Variants in WDPCP observed in about 807,000 individuals in gnomAD.
WDPCP encodes WD repeat containing planar cell polarity effector.
In WDPCP, 71 loss-of-function variants were observed where a neutral mutation model predicts 93.1. The observed-to-expected ratio is 0.76, with a 90% CI of 0.63 to 0.93. WDPCP has a LOEUF of 0.93. WDPCP is among the 40% of genes least tolerant of loss of function. The pLI is 0.00. For missense variants in WDPCP, 844 were observed against 887.4 expected (o/e 0.95, Z 0.62); for synonymous variants, 315 against 315.0 (o/e 1.00, Z 0.00).
At chr2:63,576,703 C>G (rs1209588908) in intron 1 of WDPCP, among the ~76,000 whole-genome samples, 1 of 152,188 alleles carries the variant, frequency 6.6e-6, no homozygotes, top group Non-Finnish European at 1.5e-5. Context: ...CAGTTGGCTC[C>G]TCTGGCAACC....
At chr2:63,126,963 G>A (rs539666603) in intron 17 of WDPCP, among the ~76,000 whole-genome samples, 45 of 152,050 alleles carry the variant, frequency 3.0e-4, no homozygotes, top group Non-Finnish European at 4.3e-4. Flanking sequence ...GATTACAGGC[G>A]TAAGTCACCA....
rs143287415 is a variant in WDPCP, at chr2:63,758,262, T to C, written n.308+55360A>G. On this transcript the variant is annotated intron_variant and non_coding_transcript_variant, in intron 2 of 4. Coordinates refer to the WDPCP transcript ENST00000467687. ...TAGGGTTGGTTCAGCAGAAGAGGTG[T>C]TTCGAGGAGGCCACAAATAAGTACT... Among the ~76,000 whole-genome samples the C allele has an allele frequency of 4.1e-3, 626 of 152,036 alleles. 3 individuals carry two copies. Among genetic ancestry groups the C allele is most frequent in the African/African-American group, 0.014 (587 of 41,450 alleles).
At chr2:63,757,290 A>G (rs1669985162) in intron 2 of WDPCP, among the ~76,000 whole-genome samples, 1 of 152,218 alleles carries the variant, frequency 6.6e-6, no homozygotes, top group African/African-American at 2.4e-5. Flanking sequence ...GTTGTTCCCA[A>G]CAGGATTTCA....
intron 15 of WDPCP, among the ~76,000 whole-genome samples, chr2:63,173,880 C>T (rs1464667827): frequency 6.6e-6 from 1 of 152,174 alleles, no homozygotes; most frequent in Non-Finnish European, 1.5e-5. Context: ...AATGTGGCCT[C>T]TTTACAATTA....
chr2:63,177,095 T>C (rs1479000544), intron 14 of WDPCP, among the ~76,000 whole-genome samples: 1 of 152,206 alleles, frequency 6.6e-6, no homozygotes, highest in Non-Finnish European at 1.5e-5. Context: ...GGGCTCTCAA[T>C]TCTGTTCATT....
chr2:63,840,375 AG>A, the WDPCP span, among the ~76,000 whole-genome samples: 3 of 152,246 alleles, frequency 2.0e-5, no homozygotes, highest in Admixed American at 2.0e-4. Context: ...GGAGTAACTT[AG>A]GCCAGTTCCA....
intron 1 of WDPCP, among the ~76,000 whole-genome samples, chr2:63,562,076 TC>T (rs1706668941): frequency 6.6e-6 from 1 of 152,220 alleles, no homozygotes; most frequent in South Asian, 2.1e-4. Flanking sequence ...CAAATGTATT[TC>T]CACTGCAGCA....
intron 2 of WDPCP, among the ~76,000 whole-genome samples, chr2:63,716,630 T>C (rs1005183388): frequency 1.3e-5 from 2 of 152,138 alleles, no homozygotes; most frequent in Non-Finnish European, 2.9e-5. Context: ...AAAACCCTTG[T>C]TTGGAAGAGG....
chr2:63,233,043 C>T (rs1171502196), intron 14 of WDPCP: 1 of 155,036 alleles, frequency 6.5e-6, no homozygotes. Flanking sequence ...TTGTCTCAAA[C>T]TAATGGGCCT....
chr2:63,656,872 A>G (rs1316626780), intron 2 of WDPCP, among the ~76,000 whole-genome samples: 1 of 152,008 alleles, frequency 6.6e-6, no homozygotes, highest in African/African-American at 2.4e-5. Context: ...CTTTTAAGAC[A>G]AGAGTAGTCA....
chr2:63,240,707 G>T (rs1377279646), intron 14 of WDPCP, among the ~76,000 whole-genome samples: 1 of 152,090 alleles, frequency 6.6e-6, no homozygotes, highest in Non-Finnish European at 1.5e-5. Flanking sequence ...TGTGAATACG[G>T]GTTATTCTGC....
At chr2:63,539,354 G>A (rs1022018497) in intron 1 of WDPCP, among the ~76,000 whole-genome samples, 14 of 152,130 alleles carry the variant, frequency 9.2e-5, no homozygotes, top group African/African-American at 3.1e-4. Context: ...CAATGCTTCT[G>A]TAACATGTAG....
chr2:63,275,177 A>AGAAT, intron 13 of WDPCP, among the ~76,000 whole-genome samples: 1 of 152,332 alleles, frequency 6.6e-6, no homozygotes, highest in South Asian at 2.1e-4. Flanking sequence ...GATAAAAAAC[A>AGAAT]GAATGAAGGA....
intron 9 of WDPCP, among the ~76,000 whole-genome samples, chr2:63,432,730 C>T (rs1444780738): frequency 6.6e-6 from 1 of 152,102 alleles, no homozygotes; most frequent in African/African-American, 2.4e-5. Context: ...ATGTCTAAAT[C>T]AGATCTGTGC....
At chr2:63,777,425 C>T (rs988542523) in intron 2 of WDPCP, among the ~76,000 whole-genome samples, 8 of 152,112 alleles carry the variant, frequency 5.3e-5, no homozygotes, top group African/African-American at 1.9e-4. Context: ...GTTAAACATA[C>T]CGCTACCATA....
chr2:63,170,312 A>G (rs1263238466), intron 15 of WDPCP, among the ~76,000 whole-genome samples: 3 of 143,598 alleles, frequency 2.1e-5, no homozygotes, highest in Non-Finnish European at 3.0e-5. Flanking sequence ...TCACTCTGTC[A>G]CCCTGGCTGG....
At chr2:63,472,556 C>T (rs1250788223) in intron 6 of WDPCP, among the ~76,000 whole-genome samples, 2 of 151,686 alleles carry the variant, frequency 1.3e-5, no homozygotes, top group African/African-American at 2.4e-5. Context: ...TGCAAGAATT[C>T]CTTTCCCTTT....
chr2:63,685,560 T>C (rs1401445914), intron 2 of WDPCP, among the ~76,000 whole-genome samples: 1 of 152,194 alleles, frequency 6.6e-6, no homozygotes, highest in Non-Finnish European at 1.5e-5. Flanking sequence ...GTTCAAACTG[T>C]TCCATAAAAT....
At chr2:63,587,179 T>C (rs1340549393) in intron 1 of WDPCP, among the ~76,000 whole-genome samples, 2 of 152,180 alleles carry the variant, frequency 1.3e-5, no homozygotes, top group Non-Finnish European at 1.5e-5. Context: ...ACTAGACACA[T>C]AAATTTGAGA....
Sources: gnomAD v4.1 joint callset for allele counts (sites outside exome capture counted in the v4.1 genomes callset) on GRCh38, gnomAD v4.1.1 for gene constraint, MANE v1.5 for transcripts, NCBI Gene and HGNC (gene_info 2026-07-23, HGNC 2026-07-21) for gene names.